The following ALMS1 variants were observed in gnomAD, a reference collection of about 807,000 sequenced individuals.
The protein encoded by ALMS1 is centrosome-associated protein ALMS1.
Under a neutral mutation model 352.2 loss-of-function variants are expected in ALMS1, and 271 were observed. The observed-to-expected ratio is 0.77, with a 90% CI of 0.70 to 0.85. The LOEUF (loss-of-function observed/expected upper bound fraction) is 0.85, where lower values mean the gene tolerates loss of function less well. Among genes scored for constraint, ALMS1 ranks in the 40% least tolerant of loss-of-function variants. ALMS1 has a pLI of 0.00. For missense variants in ALMS1, 5,445 were observed against 4,870.7 expected (o/e 1.12, Z -3.51); for synonymous variants, 1,865 against 1,761.2 (o/e 1.06, Z -1.48).
chr2:73,479,412 A>C (rs1460556444), intron 9 of ALMS1, among the ~76,000 whole-genome samples: 4 of 152,134 alleles, frequency 2.6e-5, no homozygotes, highest in Non-Finnish European at 4.4e-5. Flanking sequence ...GCAACCACTA[A>C]TTTGTTCCTT....
intron 10 of ALMS1, among the ~76,000 whole-genome samples, chr2:73,503,096 T>A (rs986250677): frequency 1.5e-4 from 23 of 152,128 alleles, no homozygotes; most frequent in Non-Finnish European, 2.5e-4. Context: ...TCTTTTTTTT[T>A]ATTTTTATTT....
At chr2:73,491,967 A>G (rs1672999572) in intron 10 of ALMS1, among the ~76,000 whole-genome samples, 2 of 152,190 alleles carry the variant, frequency 1.3e-5, no homozygotes, top group South Asian at 2.1e-4. Context: ...GTGGCTTTAC[A>G]GTGGAAAATC....
chr2:73,547,635 G>A (rs893706513), intron 12 of ALMS1, among the ~76,000 whole-genome samples: 5 of 152,082 alleles, frequency 3.3e-5, no homozygotes, highest in Non-Finnish European at 5.9e-5. Flanking sequence ...AAGATAGGTG[G>A]GTTCAAGATC....
chr2:73,447,185 G>A (rs578237522), intron 7 of ALMS1, among the ~76,000 whole-genome samples: 1 of 152,232 alleles, frequency 6.6e-6, no homozygotes, highest in Non-Finnish European at 1.5e-5. Context: ...ACTTTACACT[G>A]CTGTTTAAAA....
chr2:73,603,419 G>C (rs1675744681), intron 21 of ALMS1, 115 bp downstream of exon 21: 11 of 913,404 alleles, frequency 1.2e-5, no homozygotes, highest in Non-Finnish European at 1.9e-5. Flanking sequence ...AACATTATGA[G>C]AAAGTTGTGA....
chr2:73,529,144 A>G (rs1673856121), intron 11 of ALMS1, among the ~76,000 whole-genome samples: 1 of 150,918 alleles, frequency 6.6e-6, no homozygotes, highest in Non-Finnish European at 1.5e-5. Context: ...CCTGGGTTCA[A>G]GCAATTCTCC....
Position 73,572,651 on chromosome 2 carries a change from A to G in ALMS1, c.10774A>G (p.Thr3592Ala), listed in dbSNP as rs200467041. 190 of 1,614,040 alleles carry G rather than the reference A, an allele frequency of 1.2e-4. No homozygotes were observed. The African/African-American group carries it at 1.7e-3, about 15-fold the overall frequency. ...RDQKVTPEQT[T>A]QHTVSLNELW... ...TCAGAAGGTCACCCCAGAGCAAACA[A>G]CTCAGCACACTGTGAGTTTGAATGA... The change falls in exon 16 of 23, where the codon ACT (threonine) becomes GCT (alanine). Residue 3592 changes from threonine (T) to alanine (A), a missense_variant. Coordinates refer to ENST00000613296, the MANE Select transcript of ALMS1 (RefSeq NM_001378454.1).
intron 9 of ALMS1, among the ~76,000 whole-genome samples, chr2:73,480,702 A>C (rs1334278894): frequency 6.7e-6 from 1 of 150,280 alleles, no homozygotes; most frequent in Non-Finnish European, 1.5e-5. Context: ...ACAGTGTAAA[A>C]GTGTTCCTAT....
chr2:73,424,561 C>G lies in ALMS1; in HGVS notation c.896C>G (p.Pro299Arg), dbSNP rs199899389. ...AGTCGCTTTAGTGTATCTCAGCACC[C>G]GCTTATAGGCAGCACAGCTGTTGGG... ...ASSRFSVSQH[P>R]LIGSTAVGSQ... is the part of the protein sequence containing the mutation. Residue 299 changes from proline (P) to arginine (R), a missense_variant, in exon 5 of 23, where the codon CCG becomes CGG. Physicochemically the swap from Pro to Arg is moderately radical, Grantham distance 103. Transcript: ENST00000613296. The G allele has an allele frequency of 1.9e-6, 3 of 1,613,762 alleles. No individual in the cohort carries two copies. Among genetic ancestry groups the G allele is most frequent in the East Asian group, 2.2e-5 (1 of 44,856 alleles).
intron 2 of ALMS1, among the ~76,000 whole-genome samples, chr2:73,409,467 TTATC>T (rs1434413470): frequency 6.6e-5 from 10 of 152,122 alleles, no homozygotes; most frequent in African/African-American, 2.4e-4. Context: ...TTTATGTGGA[TTATC>T]TATATAGATA....
chr2:73,455,526 C>G (rs1421689986), intron 9 of ALMS1, among the ~76,000 whole-genome samples: 2 of 152,188 alleles, frequency 1.3e-5, no homozygotes, highest in African/African-American at 4.8e-5. Flanking sequence ...ACCTCAGCCT[C>G]TCAGGTAGCT....
At chr2:73,459,443 T>C (rs1170178492) in intron 9 of ALMS1, 1 of 152,196 alleles carries the variant, frequency 6.6e-6, no homozygotes, top group Non-Finnish European at 1.5e-5. Context: ...GCCTGAATAA[T>C]TTATTAATAA....
At chr2:73,389,410 A>G (rs1384114238) in intron 1 of ALMS1, among the ~76,000 whole-genome samples, 7 of 152,016 alleles carry the variant, frequency 4.6e-5, no homozygotes, top group African/African-American at 1.4e-4. Flanking sequence ...CTCTGTTGGT[A>G]GTTTATTTTG....
intron 15 of ALMS1, among the ~76,000 whole-genome samples, chr2:73,570,626 T>G (rs1674907456): frequency 8.8e-6 from 1 of 113,218 alleles, no homozygotes; most frequent in Admixed American, 8.5e-5. Flanking sequence ...AAATGATGTT[T>G]TCAAGCCAAT....
chr2:73,457,529 G>A (rs1672092573), intron 9 of ALMS1, among the ~76,000 whole-genome samples: 1 of 151,898 alleles, frequency 6.6e-6, no homozygotes, highest in African/African-American at 2.4e-5. Context: ...AGGCCATTAC[G>A]CCTCGCCCTA....
chr2:73,594,259 A>G (rs1277977698), intron 16 of ALMS1, among the ~76,000 whole-genome samples: 1 of 152,104 alleles, frequency 6.6e-6, no homozygotes, highest in Non-Finnish European at 1.5e-5. Flanking sequence ...TTTGATTGTC[A>G]TCTTCCTACT....
At chr2:73,461,984 G>T (rs1467115747) in intron 9 of ALMS1, among the ~76,000 whole-genome samples, 1 of 151,972 alleles carries the variant, frequency 6.6e-6, no homozygotes, top group African/African-American at 2.4e-5. Context: ...TCTGATTGGT[G>T]TACCTGAAAG....
intron 11 of ALMS1, among the ~76,000 whole-genome samples, chr2:73,528,052 G>T (rs144122070): frequency 5.3e-5 from 8 of 152,114 alleles, no homozygotes; most frequent in Non-Finnish European, 1.0e-4. Flanking sequence ...CATTTGTATA[G>T]TTTCCAAAGT....
intron 9 of ALMS1, among the ~76,000 whole-genome samples, chr2:73,474,662 T>A (rs918830472): frequency 3.3e-5 from 5 of 152,002 alleles, no homozygotes; most frequent in African/African-American, 1.2e-4. Flanking sequence ...AGCTGGATGA[T>A]GAGAGAATAA....
Sources: allele counts gnomAD v4.1 joint callset (sites outside exome capture counted in the v4.1 genomes callset), GRCh38; gene constraint gnomAD v4.1.1; transcripts MANE v1.5; gene names NCBI Gene and HGNC (gene_info 2026-07-23, HGNC 2026-07-21).